The following IQSEC3 variants were observed in gnomAD, a reference collection of about 807,000 sequenced individuals.
IQSEC3 encodes IQ motif and SEC7 domain-containing protein 3.
A neutral mutation model predicts 105.4 loss-of-function variants in IQSEC3; 50 were observed. The observed-to-expected ratio is 0.47, with a 90% CI of 0.38 to 0.60. The LOEUF is 0.60. Ranked by LOEUF, IQSEC3 falls within the 20% of genes least tolerant of loss-of-function variation. The pLI, the probability that IQSEC3 is intolerant of heterozygous loss-of-function variation, is 0.00. For missense variants in IQSEC3, 1,415 were observed against 1,630.0 expected, an observed-to-expected ratio of 0.87 and a Z score of 2.27; for synonymous variants, 708 against 746.0, an observed-to-expected ratio of 0.95 and a Z score of 0.83.
At position 138,233 on chromosome 12, in the gene IQSEC3, G is replaced by A; in HGVS notation, c.904-34G>A. On this transcript the variant is annotated intron_variant, in intron 3 of 13. Transcript: ENST00000538872. The surrounding 1 kb of genome is among the most constrained non-coding windows in gnomAD (Gnocchi z 7.1). ...GAAGGGCTGACCACCCTTCCCCTCT[G>A]AGCCCTTCCTCCTCTCTGTCCTCGT... The A allele has an allele frequency of 6.4e-7, 1 of 1,565,510 alleles. No homozygotes were observed. Among genetic ancestry groups the A allele is most frequent in the South Asian group, 1.2e-5 (1 of 84,884 alleles).
intron 1 of IQSEC3, among the ~76,000 whole-genome samples, chr12:78,505 C>A (rs367849241): frequency 5.1e-5 from 7 of 138,484 alleles, no homozygotes; most frequent in Non-Finnish European, 4.8e-5. Context: ...GACACCTCAG[C>A]AAAAAAAAAA....
chr12:78,264 C>G (rs1303672942), intron 1 of IQSEC3, among the ~76,000 whole-genome samples: 1 of 151,846 alleles, frequency 6.6e-6, no homozygotes, highest in African/African-American at 2.4e-5. Flanking sequence ...GCCGCCAGCC[C>G]GGGGAGCATC....
chr12:78,328 G>T (rs1296260300), intron 1 of IQSEC3, among the ~76,000 whole-genome samples: 1 of 151,088 alleles, frequency 6.6e-6, no homozygotes, highest in Non-Finnish European at 1.5e-5. Context: ...CCCCTCCTCG[G>T]CCTCCACGGG....
chr12:85,864 G>A (rs1302352775), intron 1 of IQSEC3, among the ~76,000 whole-genome samples: 1 of 152,196 alleles, frequency 6.6e-6, no homozygotes, highest in African/African-American at 2.4e-5. Flanking sequence ...TCTCTAGCAT[G>A]TGTTGTGCCT....
rs76971010 is a variant in IQSEC3, at chr12:140,962, C to A, written c.1992-162C>A. ...CCTTCTGGTCACACACCATCCTCTGCGTGAGGACATTCAGTGGGTTGAGGC... is the reference window on the plus strand; with the variant it reads ...CCTTCTGGTCACACACCATCCTCTGAGTGAGGACATTCAGTGGGTTGAGGC... On this transcript the variant is annotated intron_variant, in intron 4 of 13. Coordinates refer to ENST00000538872, the MANE Select transcript of IQSEC3 (RefSeq NM_001170738.2). 4.1e-3 allele frequency: 2,723 copies of A among 657,236 alleles called. 50 individuals are homozygous for A. In the African/African-American group the frequency reaches 0.043, roughly 10 times the overall value. The allele number at this position is 657,236 out of a possible 1,614,324, so 40.7% of individuals were successfully genotyped here.
At chr12:172,942 C>G (rs1386076464) in intron 13 of IQSEC3, among the ~76,000 whole-genome samples, 1 of 152,144 alleles carries the variant, frequency 6.6e-6, no homozygotes, top group Non-Finnish European at 1.5e-5. Context: ...CGGGGAGCTT[C>G]AGGGAGAAGA....
Position 175,806 on chromosome 12 carries a change from A to G in IQSEC3, c.*773A>G, listed in dbSNP as rs376823798. On this transcript the variant is annotated 3_prime_UTR_variant, in exon 14 of 14. Coordinates refer to ENST00000538872, the MANE Select transcript of IQSEC3 (RefSeq NM_001170738.2). ...GTATCTGCAAAATGCACCTTTTTAA[A>G]GAGTGTCTTAGTTCCCCAGCCCCAG... The G allele has an allele frequency of 8.5e-5, 13 of 152,452 alleles. No individual in the cohort carries two copies. The highest frequency in any genetic ancestry group is 2.1e-4 in the South Asian group (1 of 4,826). The allele number at this position is 152,452 out of a possible 1,614,324, so 9.4% of individuals were successfully genotyped here. A position where few individuals can be genotyped will look rare whatever the true frequency, so the allele number is the denominator to read the frequency against.
intron 2 of IQSEC3, among the ~76,000 whole-genome samples, chr12:112,810 G>A (rs1864935478): frequency 6.6e-6 from 1 of 152,192 alleles, no homozygotes; most frequent in South Asian, 2.1e-4. Flanking sequence ...CTGGTGAAAT[G>A]CAGTATTGGA....
chr12:125,951 A>G (rs906301794), intron 3 of IQSEC3, 39 bp downstream of exon 3: 32 of 1,515,676 alleles, frequency 2.1e-5, no homozygotes, highest in African/African-American at 2.9e-5. Context: ...AGGGTGGTGA[A>G]GGGGCCCTGC....
chr12:69,870 A>G (rs1307980744), intron 1 of IQSEC3, among the ~76,000 whole-genome samples: 1 of 152,202 alleles, frequency 6.6e-6, no homozygotes, highest in Non-Finnish European at 1.5e-5. Flanking sequence ...CTCTGCCCAT[A>G]GTTGTCTATG....
At chr12:103,481 G>T (rs1365910296) in intron 2 of IQSEC3, among the ~76,000 whole-genome samples, 1 of 104,378 alleles carries the variant, frequency 9.6e-6, no homozygotes, top group Non-Finnish European at 2.0e-5. Context: ...GCTCAGGAGG[G>T]GAGGCGGGGC....
At chr12:77,802 A>G (rs1591629562) in intron 1 of IQSEC3, 1 of 145,332 alleles carries the variant, frequency 6.9e-6, no homozygotes, top group East Asian at 2.0e-4. Flanking sequence ...TGCGCCCCCG[A>G]CCCTCGCCGG....
intron 5 of IQSEC3, among the ~76,000 whole-genome samples, chr12:150,404 G>A (rs12318963): frequency 1.5e-3 from 225 of 152,338 alleles, no homozygotes; most frequent in African/African-American, 5.1e-3. Flanking sequence ...GCTAGCTAGA[G>A]CCACTGGAAT....
chr12:124,365 G>C lies in IQSEC3; in HGVS notation c.624-1268G>C, dbSNP rs1470957640. ...GATCTCACCATTGCACTCCAGCCTG[G>C]GCAACAAGAGTGAAACTCCATCTCA... is the stretch of plus-strand genomic sequence containing the variant. On this transcript the variant is annotated intron_variant, in intron 2 of 13. Coordinates refer to ENST00000538872, the MANE Select transcript of IQSEC3 (RefSeq NM_001170738.2). 2.1e-5 allele frequency among the ~76,000 whole-genome samples: 3 copies of C among 146,064 alleles called. No individual in the cohort carries two copies. In the East Asian group the frequency reaches 6.0e-4, roughly 29 times the overall value.
At position 139,026 on chromosome 12, in the gene IQSEC3, G is replaced by T; in HGVS notation, c.1663G>T (p.Ala555Ser). Reference sequence around the variant, plus strand: ...GGACGCGTCAGCCGAGGACTCATGCGCAGAGGCTGCGGCTAGTGGGGCGGC... The same window carrying T: ...GGACGCGTCAGCCGAGGACTCATGCTCAGAGGCTGCGGCTAGTGGGGCGGC... ...REDASAEDSC[A>S]EAAASGAADG... Residue 555 changes from alanine to serine, a missense_variant, in exon 4 of 14, where the codon GCA (alanine) becomes TCA (serine). Physicochemically the swap from Ala to Ser is moderately conservative, Grantham distance 99. Transcript: ENST00000538872. 2.0e-6 allele frequency: 3 copies of T among 1,505,062 alleles called. No homozygotes were observed. Among genetic ancestry groups the T allele is most frequent in the Non-Finnish European group, 2.7e-6 (3 of 1,126,378 alleles). 93.2% of individuals were successfully genotyped at this position (1,505,062 alleles called of 1,614,324 possible). A position where few individuals can be genotyped will look rare whatever the true frequency, so the allele number is the denominator to read the frequency against.
chr12:140,544 A>G (rs1193803022), intron 4 of IQSEC3: 1 of 152,340 alleles, frequency 6.6e-6, no homozygotes, highest in Non-Finnish European at 1.5e-5. Flanking sequence ...ATTGTGGGCT[A>G]ATACTTTTGT....
At chr12:128,256 G>A (rs1865479686) in intron 3 of IQSEC3, among the ~76,000 whole-genome samples, 1 of 152,122 alleles carries the variant, frequency 6.6e-6, no homozygotes, top group Admixed American at 6.5e-5. Flanking sequence ...TTTCCTGTTT[G>A]CTTGACCCCC....
At position 66,888 on chromosome 12, in the gene IQSEC3, G is replaced by C. The variant is rs1215403827; in HGVS notation, c.6G>C (p.Glu2Asp). 1 of 1,441,636 alleles carries C rather than the reference G, an allele frequency of 6.9e-7. No individual in the cohort carries two copies. The highest frequency in any genetic ancestry group is 1.5e-5 in the African/African-American group (1 of 67,890). 89.3% of individuals were successfully genotyped at this position (1,441,636 alleles called of 1,614,324 possible). ...CGCAGGCGGCGGCGGGCGGCATGGA[G>C]AGCCTGCTGGAGAATCCGGTGCGCG... M[E>D]SLLENPVRAV... is the part of the protein sequence containing the mutation. Residue 2 changes from glutamate to aspartate, a missense_variant, in exon 1 of 14, where the codon GAG becomes GAC. This residue lies in a region of IQSEC3 where 34 missense variants were observed against 80.3 expected (regional missense o/e 0.42). Transcript: ENST00000538872.
chr12:175,847 T>A lies in IQSEC3; in HGVS notation c.*814T>A, dbSNP rs1939221824. On this transcript the variant is annotated 3_prime_UTR_variant, in exon 14 of 14. Transcript: ENST00000538872. Reference sequence around the variant, plus strand: ...CCAGCCCCAGCTAATACCCGGCCAATGCCGTGTACGCACCGGCATGTGCAC... The same window carrying A: ...CCAGCCCCAGCTAATACCCGGCCAAAGCCGTGTACGCACCGGCATGTGCAC... The A allele has an allele frequency of 6.6e-6, 1 of 152,288 alleles. No homozygotes were observed. Among genetic ancestry groups the A allele is most frequent in the Non-Finnish European group, 1.5e-5 (1 of 68,074 alleles). 9.4% of individuals were successfully genotyped at this position (152,288 alleles called of 1,614,324 possible). A position where few individuals can be genotyped will look rare whatever the true frequency, so the allele number is the denominator to read the frequency against.
Sources: allele counts gnomAD v4.1 joint callset (sites outside exome capture counted in the v4.1 genomes callset), GRCh38; gene constraint gnomAD v4.1.1; regional missense constraint gnomAD v4.1.1; non-coding constraint Gnocchi (gnomAD v3.1); transcripts MANE v1.5; gene names NCBI Gene and HGNC (gene_info 2026-07-23, HGNC 2026-07-21).